Variants in INPP1 observed in about 807,000 individuals in gnomAD.
INPP1 encodes inositol polyphosphate-1-phosphatase, also known as inositol polyphosphate 1-phosphatase.
A neutral mutation model predicts 23.0 loss-of-function variants in INPP1; 18 were observed. The observed-to-expected ratio is 0.78, with a 90% confidence interval of 0.54 to 1.16. INPP1 has a LOEUF of 1.16. Among genes scored for constraint, INPP1 ranks in the 50% most tolerant of loss-of-function variants. INPP1 has a pLI of 0.00. For missense variants in INPP1, 448 were observed against 482.1 expected, an observed-to-expected ratio of 0.93 and a Z score of 0.66; for synonymous variants, 164 against 176.3, an observed-to-expected ratio of 0.93 and a Z score of 0.55.
chr2:190,366,446 T>C (rs897038823), intron 4 of INPP1, among the ~76,000 whole-genome samples: 2 of 151,634 alleles, frequency 1.3e-5, no homozygotes, highest in African/African-American at 2.4e-5. Flanking sequence ...TCTGTCTCAC[T>C]CTCTCTGTCT....
At chr2:190,364,892 C>G (rs1473491981) in intron 4 of INPP1, among the ~76,000 whole-genome samples, 4 of 152,070 alleles carry the variant, frequency 2.6e-5, no homozygotes, top group African/African-American at 7.2e-5. Context: ...GCATGAGCCA[C>G]CACGCTCAGC....
Position 190,354,565 on chromosome 2 carries a change from G to A in INPP1, c.-64-5474G>A, listed in dbSNP as rs1360448624. Among the ~76,000 whole-genome samples, 2 of 152,218 alleles carry A rather than the reference G, an allele frequency of 1.3e-5. No homozygotes were observed. Among genetic ancestry groups the A allele is most frequent in the Non-Finnish European group, 2.9e-5 (2 of 68,042 alleles). On this transcript the variant is annotated intron_variant, in intron 2 of 6. Coordinates refer to ENST00000392329, the MANE Select transcript of INPP1 (RefSeq NM_001128928.2). This position sits in a 1 kb window ranked among gnomAD's most constrained non-coding sequence, Gnocchi z 4.8. ...GCCCACGATGGAAAGGCCAGGTGAG[G>A]CCACAATGAGAGGGGCCGTCTGTGA...
intron 3 of INPP1, 147 bp downstream of exon 3, chr2:190,360,453 G>C (rs1282196148): frequency 1.6e-6 from 1 of 622,710 alleles, no homozygotes; most frequent in African/African-American, 1.8e-5. Flanking sequence ...CTTCCTCCTT[G>C]TCATGATTAC....
At chr2:190,351,577 G>T (rs778448776) in intron 2 of INPP1, among the ~76,000 whole-genome samples, 2 of 152,192 alleles carry the variant, frequency 1.3e-5, no homozygotes, top group Non-Finnish European at 2.9e-5. Flanking sequence ...TATATCTTTT[G>T]TGCCTGACCT....
chr2:190,368,442 A>G lies in INPP1; in HGVS notation c.467-661A>G, dbSNP rs942116694. 1.3e-5 allele frequency among the ~76,000 whole-genome samples: 2 copies of G among 152,054 alleles called. No individual in the cohort carries two copies. Among genetic ancestry groups the G allele is most frequent in the African/African-American group, 2.4e-5 (1 of 41,330 alleles). ...TAAAAGATAATATTACCTGTGACCT[A>G]TTACAGGAGGGGGGCTTTTCTTTTT... On this transcript the variant is annotated intron_variant, in intron 5 of 6. Coordinates refer to ENST00000392329, the MANE Select transcript of INPP1 (RefSeq NM_001128928.2). This position sits in a 1 kb window ranked among gnomAD's most constrained non-coding sequence, Gnocchi z 4.3.
rs1689182171 is a variant in INPP1 at position 190,344,689 on chromosome 2, C to CTTT, written c.-209+729_-209+731dup. On this transcript the variant is annotated intron_variant, in intron 1 of 6. Coordinates refer to ENST00000392329, the MANE Select transcript of INPP1 (RefSeq NM_001128928.2). ...CAAAGAGTGTGAAAGGAAACGCTTACTTTAGTACATCTGTGAAAAACACTT... is the reference window on the plus strand; with the variant it reads ...CAAAGAGTGTGAAAGGAAACGCTTACTTTTTTAGTACATCTGTGAAAAACACTT... Among the ~76,000 whole-genome samples the CTTT allele has an allele frequency of 2.0e-5, 3 of 152,138 alleles. No individual in the cohort carries two copies. In the South Asian group the frequency reaches 6.2e-4, roughly 32 times the overall value.
At chr2:190,351,383 T>A (rs2582753) in intron 2 of INPP1, among the ~76,000 whole-genome samples, 114,452 of 152,140 alleles carry the variant, frequency 0.75, 43,442 homozygotes, top group Non-Finnish European at 0.76. Context: ...ATCTCAGCAG[T>A]TAGCTAATAA....
intron 4 of INPP1, among the ~76,000 whole-genome samples, chr2:190,364,386 A>C (rs149698214): frequency 4.7e-4 from 69 of 145,862 alleles, no homozygotes; most frequent in African/African-American, 1.7e-3. Flanking sequence ...TAAAAAATAC[A>C]AAAAAATTAG....
intron 2 of INPP1, among the ~76,000 whole-genome samples, chr2:190,349,908 G>T (rs1689295089): frequency 6.6e-6 from 1 of 152,230 alleles, no homozygotes; most frequent in Non-Finnish European, 1.5e-5. Flanking sequence ...GCAGTGGTGT[G>T]ATCTTGGTTC....
In INPP1 at chr2:190,356,687, A is replaced by T. The variant is rs1006866271; in HGVS notation, c.-64-3352A>T. On this transcript the variant is annotated intron_variant, in intron 2 of 6. Transcript: ENST00000392329. This position sits in a 1 kb window ranked among gnomAD's most constrained non-coding sequence, Gnocchi z 6.4. ...TTCTTGGTTATTCAACAGTGTAGTT[A>T]GTATCGTTTCTTTTAAGAAAAAAAA... is the stretch of plus-strand genomic sequence containing the variant. The T allele has an allele frequency of 6.6e-6, 1 of 152,182 alleles. No individual in the cohort carries two copies. Among genetic ancestry groups the T allele is most frequent in the African/African-American group, 2.4e-5 (1 of 41,416 alleles). 9.4% of individuals were successfully genotyped at this position (152,182 alleles called of 1,614,324 possible).
At chr2:190,359,148 A>C (rs1055233419) in intron 2 of INPP1, among the ~76,000 whole-genome samples, 1 of 152,020 alleles carries the variant, frequency 6.6e-6, no homozygotes, top group Non-Finnish European at 1.5e-5. Flanking sequence ...AAAAATACAA[A>C]AATTAGCCTG....
At chr2:190,344,811 C>G (rs1184901796) in intron 1 of INPP1, among the ~76,000 whole-genome samples, 1 of 152,172 alleles carries the variant, frequency 6.6e-6, no homozygotes, top group Admixed American at 6.5e-5. Flanking sequence ...TGATGGTGTT[C>G]ACTTCAAAAG....
chr2:190,353,720 C>T (rs58593410), intron 2 of INPP1, among the ~76,000 whole-genome samples: 3,070 of 152,300 alleles, frequency 0.02, 110 homozygotes, highest in African/African-American at 0.069. Flanking sequence ...TAGTTAGTAG[C>T]AGAGTTATGT....
chr2:190,371,175 A>T lies in INPP1; in HGVS notation c.973A>T (p.Arg325Trp), dbSNP rs1882891. ...WDSCAAHAIL[R>W]AMGGGIVDLK... ...CTCTTGTGCTGCTCATGCCATACTG[A>T]GGGCCATGGGTGGGGGAATAGTAGA... The change falls in exon 7 of 7, where the codon AGG (arginine) becomes TGG (tryptophan). Residue 325 changes from arginine (R) to tryptophan (W), a missense_variant. By Grantham distance (101) the Arg-to-Trp change is moderately radical. Coordinates refer to ENST00000392329, the MANE Select transcript of INPP1 (RefSeq NM_001128928.2). This position sits in a 1 kb window ranked among gnomAD's most constrained non-coding sequence, Gnocchi z 5.3. 9.9e-6 allele frequency: 16 copies of T among 1,613,930 alleles called. No homozygotes were observed. In the African/African-American group the frequency reaches 1.2e-4, roughly 12 times the overall value.
At chr2:190,359,987 C>A in intron 2 of INPP1, 52 bp from the exon 3 acceptor site, 1 of 1,038,220 alleles carries the variant, frequency 9.6e-7, no homozygotes, top group Non-Finnish European at 1.4e-6. Context: ...CAGAGGCACC[C>A]TGACATCACT....
rs1433295611 is a variant in INPP1, at chr2:190,352,047, G to C, written c.-65+3016G>C. On this transcript the variant is annotated intron_variant, in intron 2 of 6. Transcript: ENST00000392329. The surrounding 1 kb of genome is among the most constrained non-coding windows in gnomAD (Gnocchi z 4.7). ...AGATTTTAAGTTGCATCTTCCTGAT[G>C]ACTAATATGGTAGACTGTGTTTCTG... is the stretch of plus-strand genomic sequence containing the variant. Among the ~76,000 whole-genome samples the C allele has an allele frequency of 6.6e-6, 1 of 152,120 alleles. No individual in the cohort carries two copies. Among genetic ancestry groups the C allele is most frequent in the Non-Finnish European group, 1.5e-5 (1 of 68,018 alleles).
At chr2:190,361,704 G>A (rs1373224597) in intron 3 of INPP1, among the ~76,000 whole-genome samples, 4 of 152,016 alleles carry the variant, frequency 2.6e-5, no homozygotes, top group African/African-American at 4.8e-5. Context: ...CTTTTGTCTT[G>A]TAATCTCAGA....
At chr2:190,358,352 C>T (rs1689465531) in intron 2 of INPP1, among the ~76,000 whole-genome samples, 1 of 152,158 alleles carries the variant, frequency 6.6e-6, no homozygotes, top group Non-Finnish European at 1.5e-5. Flanking sequence ...GCTGGGATTA[C>T]AGGCATGAGC....
rs988732466 is a variant in INPP1, at chr2:190,356,930, G to T, written c.-64-3109G>T. On this transcript the variant is annotated intron_variant, in intron 2 of 6. Transcript: ENST00000392329. This position sits in a 1 kb window ranked among gnomAD's most constrained non-coding sequence, Gnocchi z 6.4. ...TACTTTTGTGGCCATGTATTATACT[G>T]AGATATGTATGCATATCTGTGATTG... The T allele has an allele frequency of 6.6e-6, 1 of 152,076 alleles. No homozygotes were observed. Among genetic ancestry groups the T allele is most frequent in the Non-Finnish European group, 1.5e-5 (1 of 68,012 alleles). 9.4% of individuals were successfully genotyped at this position (152,076 alleles called of 1,614,324 possible).
Sources: allele counts gnomAD v4.1 joint callset (sites outside exome capture counted in the v4.1 genomes callset), GRCh38; gene constraint gnomAD v4.1.1; non-coding constraint Gnocchi (gnomAD v3.1); transcripts MANE v1.5; gene names NCBI Gene and HGNC (gene_info 2026-07-23, HGNC 2026-07-21).